Variants in REV3L observed in about 807,000 individuals in gnomAD.
REV3L encodes the protein DNA polymerase zeta catalytic subunit.
In REV3L, 69 loss-of-function variants were observed where a neutral mutation model predicts 299.4. The observed-to-expected ratio is 0.23, with a 90% CI of 0.19 to 0.28. The LOEUF (loss-of-function observed/expected upper bound fraction) is 0.28, where lower values mean the gene tolerates loss of function less well. Ranked by LOEUF, REV3L falls within the 10% of genes least tolerant of loss-of-function variation. The pLI is 1.00. For missense variants in REV3L, 3,128 were observed against 3,693.8 expected (o/e 0.85, Z 3.97); for synonymous variants, 1,238 against 1,271.4 (o/e 0.97, Z 0.56).
intron 29 of REV3L, 40 bp downstream of exon 29, chr6:111,311,029 T>C: frequency 6.6e-7 from 1 of 1,521,428 alleles, no homozygotes; most frequent in Non-Finnish European, 8.9e-7. Context: ...CTGTGCAGAA[T>C]CTCAGGACTA....
chr6:111,305,881 G>C (rs1048772052), intron 31 of REV3L, among the ~76,000 whole-genome samples: 1 of 152,136 alleles, frequency 6.6e-6, no homozygotes, highest in Non-Finnish European at 1.5e-5. Context: ...TAGAAGCTGG[G>C]AGCACCCAGT....
intron 1 of REV3L, among the ~76,000 whole-genome samples, chr6:111,474,402 G>C (rs185000270): frequency 6.6e-6 from 1 of 152,210 alleles, no homozygotes; most frequent in African/African-American, 2.4e-5. Context: ...ATGTTCCTTC[G>C]GCACCGTGAA....
At chr6:111,460,367 A>G (rs1025845012) in intron 1 of REV3L, 2 of 152,104 alleles carry the variant, frequency 1.3e-5, no homozygotes, top group Non-Finnish European at 2.9e-5. Flanking sequence ...GCATTATGCA[A>G]TATACCTTTG....
At chr6:111,380,818 T>C (rs970657525) in intron 10 of REV3L, among the ~76,000 whole-genome samples, 3 of 152,168 alleles carry the variant, frequency 2.0e-5, no homozygotes, top group African/African-American at 7.2e-5. Context: ...TGTCAGCCCC[T>C]AGTTGGGAGG....
chr6:111,403,169 A>AT (rs2128271669), intron 4 of REV3L, among the ~76,000 whole-genome samples: 1 of 152,328 alleles, frequency 6.6e-6, no homozygotes, highest in South Asian at 2.1e-4. Flanking sequence ...CTTACATTAA[A>AT]TGTGCAGTAT....
Position 111,367,963 on chromosome 6 carries a change from C to A in REV3L, c.5825G>T (p.Gly1942Val). 6.2e-7 allele frequency: 1 copy of A among 1,613,912 alleles called. No homozygotes were observed. The highest frequency in any genetic ancestry group is 8.5e-7 in the Non-Finnish European group (1 of 1,179,942). The part of the protein sequence containing the change: ...RLANDLAEFE[G>V]DFSLEGLRLW... The stretch of plus-strand genomic sequence containing the variant: ...ACGAAGTCCTTCCAAGGAAAAGTCT[C>A]CCTCAAACTCAGCCAGATCATTTGC... The change falls in exon 14 of 32, where the codon GGA becomes GTA. Residue 1942 changes from glycine (G) to valine (V), a missense_variant. Coordinates refer to ENST00000368802, the MANE Select transcript of REV3L (RefSeq NM_001372078.1).
chr6:111,431,393 A>C, intron 1 of REV3L: 2 of 967,654 alleles, frequency 2.1e-6, no homozygotes, highest in South Asian at 2.6e-5. Context: ...CGCTGAAAGC[A>C]GTAACAAACT....
intron 1 of REV3L, among the ~76,000 whole-genome samples, chr6:111,465,896 T>C (rs1176842275): frequency 2.0e-5 from 3 of 152,092 alleles, no homozygotes; most frequent in African/African-American, 7.2e-5. Context: ...ATAATAATTT[T>C]GACACAGGAC....
Position 111,349,435 on chromosome 6 carries a change from T to C in REV3L, c.7301-99A>G, listed in dbSNP as rs1303697989. On this transcript the variant is annotated intron_variant, in intron 19 of 31. Transcript: ENST00000368802. ...GAGAATATACATTAAGGATGAATAT[T>C]AAAGATGAAATATAATTCACAATGT... 21 of 531,172 alleles carry C rather than the reference T, an allele frequency of 4.0e-5. No individual in the cohort carries two copies. The Admixed American group carries it at 6.4e-4, about 16-fold the overall frequency. The allele number at this position is 531,172 out of a possible 1,614,324, so 32.9% of individuals were successfully genotyped here. A position where few individuals can be genotyped will look rare whatever the true frequency, so the allele number is the denominator to read the frequency against.
intron 31 of REV3L, among the ~76,000 whole-genome samples, chr6:111,305,099 G>A (rs558332152): frequency 1.1e-4 from 17 of 151,800 alleles, no homozygotes; most frequent in African/African-American, 3.4e-4. Flanking sequence ...GTGCCACCAC[G>A]CCTGGCTAAT....
intron 1 of REV3L, among the ~76,000 whole-genome samples, chr6:111,473,137 A>G (rs1023441745): frequency 6.6e-6 from 1 of 152,120 alleles, no homozygotes; most frequent in African/African-American, 2.4e-5. Context: ...AGTTCAAACT[A>G]TTTCTTTGAA....
At chr6:111,320,703 AG>A in intron 26 of REV3L, among the ~76,000 whole-genome samples, 1 of 152,256 alleles carries the variant, frequency 6.6e-6, no homozygotes, top group Middle Eastern at 3.4e-3. Flanking sequence ...GCTGGAGTGC[AG>A]TGGCATGATC....
At chr6:111,379,906 T>C (rs576317670) in intron 11 of REV3L, 76 bp downstream of exon 11, 15 of 879,156 alleles carry the variant, frequency 1.7e-5, no homozygotes, top group Admixed American at 4.3e-5. Flanking sequence ...TCATGAACAA[T>C]AGTAATAAAT....
chr6:111,407,753 G>A (rs1186153152), intron 3 of REV3L, among the ~76,000 whole-genome samples: 2 of 152,180 alleles, frequency 1.3e-5, no homozygotes, highest in Non-Finnish European at 1.5e-5. Flanking sequence ...TGGCCAACAT[G>A]GAGAAACCCT....
chr6:111,378,279 G>A (rs1399388251), intron 11 of REV3L, among the ~76,000 whole-genome samples: 1 of 152,218 alleles, frequency 6.6e-6, no homozygotes, highest in Non-Finnish European at 1.5e-5. Context: ...GGGTTACTGA[G>A]AAATTCAGAT....
intron 1 of REV3L, among the ~76,000 whole-genome samples, chr6:111,453,706 G>T (rs145940189): frequency 6.6e-6 from 1 of 152,232 alleles, no homozygotes; most frequent in East Asian, 1.9e-4. Context: ...TGCTACAGCT[G>T]GGTGCGGTGG....
At chr6:111,408,813 T>G (rs1045074268) in intron 3 of REV3L, among the ~76,000 whole-genome samples, 2 of 152,138 alleles carry the variant, frequency 1.3e-5, no homozygotes, top group African/African-American at 4.8e-5. Flanking sequence ...GCCTCCAGAA[T>G]AGCTAAGACG....
At chr6:111,444,750 C>G (rs999928045) in intron 1 of REV3L, among the ~76,000 whole-genome samples, 1 of 152,158 alleles carries the variant, frequency 6.6e-6, no homozygotes, top group South Asian at 2.1e-4. Context: ...TGTAGGCTTT[C>G]TCTACTCCAG....
At chr6:111,460,792 T>G (rs560612252) in intron 1 of REV3L, among the ~76,000 whole-genome samples, 3 of 152,242 alleles carry the variant, frequency 2.0e-5, no homozygotes, top group Admixed American at 6.5e-5. Flanking sequence ...AATGCAGTCA[T>G]GTACTGCATA....
Sources: allele counts gnomAD v4.1 joint callset (sites outside exome capture counted in the v4.1 genomes callset), GRCh38; gene constraint gnomAD v4.1.1; transcripts MANE v1.5; gene names NCBI Gene and HGNC (gene_info 2026-07-23, HGNC 2026-07-21).